NRSN2: variants seen among roughly 807,000 people sequenced by gnomAD.
NRSN2 encodes neurensin-2.
In NRSN2, 10 loss-of-function variants were observed where a neutral mutation model predicts 11.1. That is an observed-to-expected ratio of 0.90 (90% CI 0.56 to 1.53). The LOEUF (loss-of-function observed/expected upper bound fraction) is 1.53. Among genes scored for constraint, NRSN2 ranks in the 40% most tolerant of loss-of-function variants. The pLI is 0.00. For synonymous variants in NRSN2, 100 were observed against 117.0 expected, an observed-to-expected ratio of 0.86 and a Z score of 0.94; for missense variants, 260 against 273.7, an observed-to-expected ratio of 0.95 and a Z score of 0.35.
At position 347,499 on chromosome 20, in the gene NRSN2, T is replaced by C. The variant is rs2013510130; in HGVS notation, c.-135T>C. Reference sequence around the variant, plus strand: ...GCATCGGTGGTCCTGTCAGGAAGAGTGGCGCGGGTGCCGGTGGGGAAGGGA... The same window carrying C: ...GCATCGGTGGTCCTGTCAGGAAGAGCGGCGCGGGTGCCGGTGGGGAAGGGA... On this transcript the variant is annotated 5_prime_UTR_variant, in exon 2 of 5. Transcript: ENST00000382285. This position sits in a 1 kb window ranked among gnomAD's most constrained non-coding sequence, Gnocchi z 7.0. The C allele has an allele frequency of 6.6e-6, 1 of 151,216 alleles. No individual in the cohort carries two copies. Among genetic ancestry groups the C allele is most frequent in the Non-Finnish European group, 1.5e-5 (1 of 67,934 alleles). 9.4% of individuals were successfully genotyped at this position (151,216 alleles called of 1,614,324 possible).
In NRSN2 at chr20:354,847, A is replaced by C. The variant is rs1158879643; in HGVS notation, c.*1212A>C. ...CTTCCATCCCACCTTCCCTTTCAAT[A>C]AACAGCTGGGATGGATACTGACTTT... On this transcript the variant is annotated 3_prime_UTR_variant, in exon 5 of 5. Coordinates refer to ENST00000382285, the MANE Select transcript of NRSN2 (RefSeq NM_001323682.2). The C allele has an allele frequency of 6.6e-6, 1 of 152,194 alleles. No homozygotes were observed. Among genetic ancestry groups the C allele is most frequent in the Non-Finnish European group, 1.5e-5 (1 of 68,096 alleles). The allele number at this position is 152,194 out of a possible 1,614,324, so 9.4% of individuals were successfully genotyped here.
intron 4 of NRSN2, among the ~76,000 whole-genome samples, chr20:351,963 T>TCAGGATAGC (rs150449684): frequency 0.016 from 2,433 of 152,316 alleles, 70 homozygotes; most frequent in African/African-American, 0.056. Flanking sequence ...GGTAAAAGAT[T>TCAGGATAGC]CAGAAATTTA....
rs1319378781 is a variant in NRSN2 at position 347,881 on chromosome 20, C to T, written c.-122+369C>T. Among the ~76,000 whole-genome samples the T allele has an allele frequency of 6.6e-6, 1 of 151,930 alleles. No individual in the cohort carries two copies. The highest frequency in any genetic ancestry group is 1.9e-4 in the East Asian group (1 of 5,160). On this transcript the variant is annotated intron_variant, in intron 2 of 4. Transcript: ENST00000382285. The surrounding 1 kb of genome is among the most constrained non-coding windows in gnomAD (Gnocchi z 7.0). ...CCCATGGCAACCCTCGTCCCGGGTGCCTGCGCCCCGCCCCCCGCCCGCCAG... is the reference window on the plus strand; with the variant it reads ...CCCATGGCAACCCTCGTCCCGGGTGTCTGCGCCCCGCCCCCCGCCCGCCAG...
intron 4 of NRSN2, among the ~76,000 whole-genome samples, chr20:350,066 ATGG>A (rs1341687867): frequency 2.0e-5 from 3 of 152,222 alleles, no homozygotes; most frequent in Non-Finnish European, 4.4e-5. Flanking sequence ...TATGTAAATA[ATGG>A]TGGCTCATGC....
rs2013785861 is a variant in NRSN2 at position 349,817 on chromosome 20, C to G, written c.174C>G (p.Pro58=). 1 of 1,613,238 alleles carries G rather than the reference C, an allele frequency of 6.2e-7. No individual in the cohort carries two copies. Among genetic ancestry groups the G allele is most frequent in the Admixed American group, 1.7e-5 (1 of 59,970 alleles). ...PPVLCPRRPW[P]SLCWKISLSS... ...TCCTGTGCCCCCGCCGGCCCTGGCC[C>G]TCACTGTGTTGGAAGGTAAGGCCAG... The change falls in exon 4 of 5, where the codon CCC becomes CCG. Residue 58 remains proline, a synonymous_variant. Transcript: ENST00000382285.
chr20:353,414 A>G lies in NRSN2; in HGVS notation c.394A>G (p.Ile132Val), dbSNP rs2014147221. The change falls in exon 5 of 5, where the codon ATC becomes GTC. Residue 132 changes from isoleucine (I) to valine (V), a missense_variant. Coordinates refer to ENST00000382285, the MANE Select transcript of NRSN2 (RefSeq NM_001323682.2). ...TGTGGCAGCTGGAGTTCTGCTCGCC[A>G]TCTGCCTCTTCTGGGCCATGATAGG... ...LCVAAGVLLA[I>V]CLFWAMIGWL... 1.9e-6 allele frequency: 3 copies of G among 1,614,002 alleles called. No individual in the cohort carries two copies. Among genetic ancestry groups the G allele is most frequent in the East Asian group, 2.2e-5 (1 of 44,870 alleles).
intron 4 of NRSN2, among the ~76,000 whole-genome samples, chr20:350,604 C>T (rs1407137217): frequency 8.1e-6 from 1 of 123,440 alleles, no homozygotes; most frequent in Non-Finnish European, 1.6e-5. Context: ...GCCAAGTTTG[C>T]ACCATTGCAC....
rs980450042 is a variant in NRSN2, at chr20:353,969, G to A, written c.*334G>A. 10 of 335,908 alleles carry A rather than the reference G, an allele frequency of 3.0e-5. No individual in the cohort carries two copies. The highest frequency in any genetic ancestry group is 2.0e-4 in the African/African-American group (9 of 45,904). The allele number at this position is 335,908 out of a possible 1,614,324, so 20.8% of individuals were successfully genotyped here. On this transcript the variant is annotated 3_prime_UTR_variant, in exon 5 of 5. Transcript: ENST00000382285. The stretch of plus-strand genomic sequence containing the variant: ...TTGCCCTTTCAAGCCATCAGCTCCT[G>A]CCTCTCTGCCATGAGGGCTTTGGAT...
chr20:350,918 C>T (rs972848539), intron 4 of NRSN2, among the ~76,000 whole-genome samples: 3 of 152,172 alleles, frequency 2.0e-5, no homozygotes, highest in African/African-American at 4.8e-5. Flanking sequence ...TCCACACCAT[C>T]TAAGGGAAGT....
At chr20:351,567 G>T (rs2013972678) in intron 4 of NRSN2, among the ~76,000 whole-genome samples, 1 of 152,056 alleles carries the variant, frequency 6.6e-6, no homozygotes, top group South Asian at 2.1e-4. Context: ...AAGAGAGAAA[G>T]CAAAATAGTA....
chr20:352,631 C>G (rs775049334), intron 4 of NRSN2, among the ~76,000 whole-genome samples: 2 of 152,246 alleles, frequency 1.3e-5, no homozygotes, highest in Admixed American at 6.5e-5. Context: ...TCAGCCTTTG[C>G]TCTGTGCCGG....
intron 4 of NRSN2, among the ~76,000 whole-genome samples, chr20:352,311 G>A (rs539552441): frequency 1.3e-5 from 2 of 152,284 alleles, no homozygotes; most frequent in African/African-American, 2.4e-5. Flanking sequence ...AAATATTCTC[G>A]GGAGACTGAG....
chr20:351,352 T>A (rs2013955111), intron 4 of NRSN2, among the ~76,000 whole-genome samples: 1 of 151,988 alleles, frequency 6.6e-6, no homozygotes, highest in South Asian at 2.1e-4. Context: ...CTGGGCAACA[T>A]AGTGAGACTT....
At position 353,644 on chromosome 20, in the gene NRSN2, C is replaced by A. The variant is rs1027229954; in HGVS notation, c.*9C>A. 1 of 1,608,828 alleles carries A rather than the reference C, an allele frequency of 6.2e-7. No individual in the cohort carries two copies. The highest frequency in any genetic ancestry group is 1.4e-5 in the African/African-American group (1 of 73,422). Reference sequence around the variant, plus strand: ...CCAAGAGGGACTCCTGAGCTGCCCACATGGCCTAAGATGTGGGTCCTGGAT... The same window carrying A: ...CCAAGAGGGACTCCTGAGCTGCCCAAATGGCCTAAGATGTGGGTCCTGGAT... On this transcript the variant is annotated 3_prime_UTR_variant, in exon 5 of 5. Coordinates refer to ENST00000382285, the MANE Select transcript of NRSN2 (RefSeq NM_001323682.2).
chr20:353,244 T>A lies in NRSN2; in HGVS notation c.224T>A (p.Leu75Gln). Residue 75 changes from leucine to glutamine, a missense_variant, in exon 5 of 5, where the codon CTG (leucine) becomes CAG (glutamine). Transcript: ENST00000382285. ...TCCTCGGGGACCCTGCTTCTGCTGC[T>A]GGGTGTGGCGGCTCTGACCACTGGC... The part of the protein sequence containing the change: ...SLSSGTLLLL[L>Q]GVAALTTGYA... The A allele has an allele frequency of 1.2e-6, 2 of 1,614,034 alleles. No individual in the cohort carries two copies. Among genetic ancestry groups the A allele is most frequent in the Non-Finnish European group, 1.7e-6 (2 of 1,180,012 alleles).
At chr20:348,803 T>C (rs1329520238) in intron 2 of NRSN2, among the ~76,000 whole-genome samples, 2 of 151,706 alleles carry the variant, frequency 1.3e-5, no homozygotes, top group African/African-American at 4.8e-5. Flanking sequence ...CAAACCTGTA[T>C]ATGGATATAC....
intron 3 of NRSN2, 110 bp downstream of exon 3, chr20:349,473 G>T (rs1381288743): frequency 1.0e-5 from 6 of 574,350 alleles, no homozygotes; most frequent in Non-Finnish European, 1.5e-5. Flanking sequence ...GCTTTGGGAA[G>T]GACAGGCTGG....
chr20:348,329 T>C (rs532032950), intron 2 of NRSN2: 1 of 152,960 alleles, frequency 6.5e-6, no homozygotes, highest in African/African-American at 2.4e-5. Flanking sequence ...TCCCGTTCTC[T>C]GTCGTGGCTT....
In NRSN2 at chr20:353,478, C is replaced by T; in HGVS notation, c.458C>T (p.Pro153Leu). Residue 153 changes from proline (P) to leucine (L), a missense_variant, in exon 5 of 5, where the codon CCC (proline) becomes CTC (leucine). Coordinates refer to ENST00000382285, the MANE Select transcript of NRSN2 (RefSeq NM_001323682.2). The stretch of plus-strand genomic sequence containing the variant: ...GACACCAAGGCAGAGCCCTTGGACC[C>T]CGAAGCCGACAGCCACGTGGAGGTC... Reference protein sequence around the residue: ...SQDTKAEPLDPEADSHVEVFG... With the variant: ...SQDTKAEPLDLEADSHVEVFG... The T allele has an allele frequency of 1.2e-6, 2 of 1,614,188 alleles. No individual in the cohort carries two copies. The highest frequency in any genetic ancestry group is 1.7e-6 in the Non-Finnish European group (2 of 1,180,040).
Sources: allele counts gnomAD v4.1 joint callset (sites outside exome capture counted in the v4.1 genomes callset), GRCh38; gene constraint gnomAD v4.1.1; non-coding constraint Gnocchi (gnomAD v3.1); transcripts MANE v1.5; gene names NCBI Gene and HGNC (gene_info 2026-07-23, HGNC 2026-07-21).